The following PCDHA9 variants were observed in gnomAD, a reference collection of about 807,000 sequenced individuals.
PCDHA9 encodes protocadherin alpha 9.
A neutral mutation model predicts 62.0 loss-of-function variants in PCDHA9; 62 were observed. That is an observed-to-expected ratio of 1.00 (90% CI 0.81 to 1.23). The LOEUF (loss-of-function observed/expected upper bound fraction) is 1.23. Ranked by LOEUF, PCDHA9 falls within the 50% of genes most tolerant of loss-of-function variation. PCDHA9 has a pLI of 0.00. For synonymous variants in PCDHA9, 557 were observed against 567.6 expected, an observed-to-expected ratio of 0.98 and a Z score of 0.27; for missense variants, 1,205 against 1,249.8, an observed-to-expected ratio of 0.96 and a Z score of 0.54.
intron 1 of PCDHA9, 166 bp from the exon 2 acceptor site, chr5:140,978,783 A>G: frequency 1.0e-6 from 1 of 972,136 alleles, no homozygotes. Context: ...TTTCTTCTAA[A>G]GTGCTATATA....
At chr5:140,922,289 G>C (rs1554200767) in intron 1 of PCDHA9, among the ~76,000 whole-genome samples, 1 of 152,222 alleles carries the variant, frequency 6.6e-6, no homozygotes, top group Non-Finnish European at 1.5e-5. Flanking sequence ...ATATGAAAAT[G>C]CTAGGAGAGG....
intron 1 of PCDHA9, chr5:140,877,428 G>A: frequency 6.2e-7 from 1 of 1,613,886 alleles, no homozygotes; most frequent in Non-Finnish European, 8.5e-7. Flanking sequence ...TGCTGGTGAA[G>A]GACCACGGTG....
intron 1 of PCDHA9, among the ~76,000 whole-genome samples, chr5:140,879,020 TATTG>T (rs1366518511): frequency 6.6e-6 from 1 of 152,230 alleles, no homozygotes; most frequent in African/African-American, 2.4e-5. Context: ...GATAATGTTT[TATTG>T]AAGAGTGTCT....
At chr5:140,975,027 C>G (rs1235916815) in intron 1 of PCDHA9, among the ~76,000 whole-genome samples, 1 of 152,082 alleles carries the variant, frequency 6.6e-6, no homozygotes, top group Non-Finnish European at 1.5e-5. Flanking sequence ...GCTGTGTTGT[C>G]CTTTGCAGGC....
chr5:140,997,100 T>G (rs1286807919), intron 3 of PCDHA9, among the ~76,000 whole-genome samples: 1 of 152,170 alleles, frequency 6.6e-6, no homozygotes, highest in Non-Finnish European at 1.5e-5. Flanking sequence ...AGAGTTCTCA[T>G]GCACTCCTGC....
intron 1 of PCDHA9, chr5:140,967,642 C>T (rs1554229731): frequency 1.2e-6 from 2 of 1,614,164 alleles, no homozygotes. Flanking sequence ...ATGGTGAGCT[C>T]AGGTACTCCT....
rs117857377 is a variant in PCDHA9, at chr5:140,947,298, A to G, written c.2395-31651A>G. ...TTTTTCTTTTTATTGCATTATCTTG[A>G]CATCTTTGTAAAAAGTCGGTTGACC... On this transcript the variant is annotated intron_variant, in intron 1 of 3. Transcript: ENST00000532602. Among the ~76,000 whole-genome samples, 349 of 151,704 alleles carry G rather than the reference A, an allele frequency of 2.3e-3. 8 individuals carry two copies. In the East Asian group the frequency reaches 0.06, roughly 26 times the overall value.
rs529065220 is a variant in PCDHA9, at chr5:140,930,291, C to T, written c.2395-48658C>T. On this transcript the variant is annotated intron_variant, in intron 1 of 3. Transcript: ENST00000532602. ...TATTTTAGGGGACAAATACACTTAA[C>T]AAATAAGTAAATATCATATTTGAGA... The T allele has an allele frequency of 2.6e-5, 4 of 152,208 alleles. No homozygotes were observed. The South Asian group carries it at 8.3e-4, about 32-fold the overall frequency. 9.4% of individuals were successfully genotyped at this position (152,208 alleles called of 1,614,324 possible). A position where few individuals can be genotyped will look rare whatever the true frequency, so the allele number is the denominator to read the frequency against.
intron 1 of PCDHA9, chr5:140,861,891 C>T (rs2047126506): frequency 6.5e-6 from 1 of 154,838 alleles, no homozygotes; most frequent in African/African-American, 2.4e-5. Flanking sequence ...CTGACAGGCA[C>T]CAAAGCATTA....
chr5:140,916,276 C>T (rs1012702427), intron 1 of PCDHA9, among the ~76,000 whole-genome samples: 4 of 152,192 alleles, frequency 2.6e-5, no homozygotes, highest in African/African-American at 7.2e-5. Flanking sequence ...GCTTGTTGCT[C>T]TACTCCACGT....
At position 140,848,431 on chromosome 5, in the gene PCDHA9, A is replaced by T; in HGVS notation, c.-65A>T. On this transcript the variant is annotated 5_prime_UTR_variant, in exon 1 of 4. Transcript: ENST00000532602. ...GAACACAGCAGAATGGGACTGACGAAATCAGATGATTTCTTCTAATTTGGA... is the reference window on the plus strand; with the variant it reads ...GAACACAGCAGAATGGGACTGACGATATCAGATGATTTCTTCTAATTTGGA... 2.7e-6 allele frequency: 4 copies of T among 1,467,178 alleles called. 2 individuals are homozygous for T. The highest frequency in any genetic ancestry group is 3.7e-6 in the Non-Finnish European group (4 of 1,073,724). 90.9% of individuals were successfully genotyped at this position (1,467,178 alleles called of 1,614,324 possible). A position where few individuals can be genotyped will look rare whatever the true frequency, so the allele number is the denominator to read the frequency against.
At position 140,858,022 on chromosome 5, in the gene PCDHA9, G is replaced by T; in HGVS notation, c.2394+7133G>T. 2.5e-6 allele frequency: 4 copies of T among 1,597,054 alleles called. 1 individual carries two copies. The highest frequency in any genetic ancestry group is 1.3e-5 in the African/African-American group (1 of 74,416). On this transcript the variant is annotated intron_variant, in intron 1 of 3. Transcript: ENST00000532602. The stretch of plus-strand genomic sequence containing the variant: ...TGAAGGACCATGGCGAGCCGTCGCT[G>T]ACGGCCACGGCCACTGTGCTTGTGT...
intron 1 of PCDHA9, chr5:140,862,484 G>A (rs2047390468): frequency 2.6e-6 from 1 of 382,510 alleles, no homozygotes; most frequent in Non-Finnish European, 5.2e-6. Context: ...TCCATTGTTG[G>A]TAATCGCTCG....
chr5:140,875,982 T>C (rs782696437), intron 1 of PCDHA9: 8 of 1,613,890 alleles, frequency 5.0e-6, no homozygotes, highest in Middle Eastern at 1.6e-4. Context: ...TTTTGACCTA[T>C]GCGTTAAGTC....
chr5:140,991,121 C>G (rs1220661100), intron 3 of PCDHA9, among the ~76,000 whole-genome samples: 1 of 152,184 alleles, frequency 6.6e-6, no homozygotes, highest in Non-Finnish European at 1.5e-5. Context: ...TTCTTACATT[C>G]ACACAGCTAG....
In PCDHA9 at chr5:141,000,775, C is replaced by T. The variant is rs919489031; in HGVS notation, c.2543-8852C>T. 3.3e-5 allele frequency among the ~76,000 whole-genome samples: 5 copies of T among 151,752 alleles called. No homozygotes were observed. In the East Asian group the frequency reaches 5.8e-4, roughly 18 times the overall value. On this transcript the variant is annotated intron_variant, in intron 3 of 3. Transcript: ENST00000532602. ...AAAAAATCTTAGCCAGGCATAGTGG[C>T]GCACACCTGTATTCCTAGCTACTCA...
In PCDHA9 at chr5:140,920,855, A is replaced by C. The variant is rs537725798; in HGVS notation, c.2395-58094A>C. Among the ~76,000 whole-genome samples, 935 of 152,094 alleles carry C rather than the reference A, an allele frequency of 6.1e-3. 10 individuals are homozygous for C. Among genetic ancestry groups the C allele is most frequent in the Admixed American group, 0.012 (185 of 15,278 alleles). On this transcript the variant is annotated intron_variant, in intron 1 of 3. Coordinates refer to ENST00000532602, the MANE Select transcript of PCDHA9 (RefSeq NM_031857.2). ...AAGACCAAATCTAAAAAAAAAAAAAAAAACAAACAAACTGTGGCCCTTAGA... is the reference window on the plus strand; with the variant it reads ...AAGACCAAATCTAAAAAAAAAAAAACAAACAAACAAACTGTGGCCCTTAGA...
At chr5:140,875,743 G>A (rs782705899) in intron 1 of PCDHA9, 7 of 1,614,108 alleles carry the variant, frequency 4.3e-6, no homozygotes, top group Non-Finnish European at 5.1e-6. Context: ...TTCTCGGATC[G>A]ACCGCGAGAA....
At chr5:140,884,014 G>A (rs1582743653) in intron 1 of PCDHA9, 1 of 1,613,168 alleles carries the variant, frequency 6.2e-7, no homozygotes, top group Non-Finnish European at 8.5e-7. Context: ...AGCTGATGCC[G>A]CGGTCGGTGG....
Sources: allele counts gnomAD v4.1 joint callset (sites outside exome capture counted in the v4.1 genomes callset), GRCh38; gene constraint gnomAD v4.1.1; transcripts MANE v1.5; gene names NCBI Gene and HGNC (gene_info 2026-07-23, HGNC 2026-07-21).